RIF1: variants seen among roughly 807,000 people sequenced by gnomAD.
RIF1 encodes telomere-associated protein RIF1.
Under a neutral mutation model 247.1 loss-of-function variants are expected in RIF1, and 45 were observed. That is an observed-to-expected ratio of 0.18 (90% CI 0.14 to 0.23). The LOEUF is 0.23. RIF1 is among the 10% of genes least tolerant of loss of function. The probability of loss-of-function intolerance (pLI) is 1.00; values close to 1 mark genes in which losing one functional copy is unlikely to be tolerated. For missense variants in RIF1, 2,967 were observed against 2,862.5 expected (o/e 1.04, Z -0.83); for synonymous variants, 1,087 against 978.8 (o/e 1.11, Z -2.06).
At chr2:151,530,081 G>T in the RIF1 span, among the ~76,000 whole-genome samples, 1 of 151,872 alleles carries the variant, frequency 6.6e-6, no homozygotes, top group African/African-American at 2.4e-5. Flanking sequence ...TTCCATTAAG[G>T]ACCCCTTAAG....
chr2:151,508,145 A>G (rs754596703), downstream of RIF1: 1 of 1,453,708 alleles, frequency 6.9e-7, no homozygotes, highest in Non-Finnish European at 9.5e-7. Flanking sequence ...GAGGGTAAAC[A>G]CCACAGGGAT....
chr2:151,421,124 G>A lies in RIF1; in HGVS notation c.693+745G>A, dbSNP rs1223138837. ...GTTCTAACATATTTACTGGGCATCT[G>A]ATATGTGCAGTGCATTGTTGCAGGC... On this transcript the variant is annotated intron_variant, in intron 7 of 35. Coordinates refer to ENST00000444746, the MANE Select transcript of RIF1 (RefSeq NM_018151.5). Among the ~76,000 whole-genome samples the A allele has an allele frequency of 3.9e-5, 6 of 152,336 alleles. No individual in the cohort carries two copies. In the South Asian group the frequency reaches 6.2e-4, roughly 16 times the overall value.
At chr2:151,454,763 G>A in intron 21 of RIF1, 132 bp from the exon 22 acceptor site, 1 of 592,826 alleles carries the variant, frequency 1.7e-6, no homozygotes, top group South Asian at 2.6e-5. Context: ...ATTTGTTTGG[G>A]GTGTCAGTCA....
chr2:151,451,852 C>G (rs1303704041), intron 21 of RIF1, 147 bp downstream of exon 21: 1 of 547,714 alleles, frequency 1.8e-6, no homozygotes, highest in Non-Finnish European at 3.3e-6. Flanking sequence ...TAGGAGCTTT[C>G]ATACATGTTC....
chr2:151,430,646 G>C (rs1689936746), intron 9 of RIF1, among the ~76,000 whole-genome samples: 1 of 151,960 alleles, frequency 6.6e-6, no homozygotes, highest in Admixed American at 6.6e-5. Context: ...TTAAAATACT[G>C]GTACATTTTG....
intron 11 of RIF1, 21 bp from the exon 12 acceptor site, chr2:151,436,806 C>CT (rs747564662): frequency 0.13 from 140,363 of 1,044,638 alleles, 2 homozygotes; most frequent in Non-Finnish European, 0.15. Context: ...TGACTTAACT[C>CT]TTTTTTTTTT....
In RIF1 at chr2:151,475,384, G is replaced by C; in HGVS notation, c.*313G>C. On this transcript the variant is annotated 3_prime_UTR_variant, in exon 36 of 36. Coordinates refer to ENST00000444746, the MANE Select transcript of RIF1 (RefSeq NM_018151.5). Reference sequence around the variant, plus strand: ...TTTTATTTCATGCTTTCTTAAACCCGTGCATATTCTGGTGAAACATGTAAA... The same window carrying C: ...TTTTATTTCATGCTTTCTTAAACCCCTGCATATTCTGGTGAAACATGTAAA... 1 of 281,812 alleles carries C rather than the reference G, an allele frequency of 3.5e-6. No individual in the cohort carries two copies. Among genetic ancestry groups the C allele is most frequent in the Non-Finnish European group, 6.7e-6 (1 of 149,072 alleles). The allele number at this position is 281,812 out of a possible 1,614,324, so 17.5% of individuals were successfully genotyped here. A position where few individuals can be genotyped will look rare whatever the true frequency, so the allele number is the denominator to read the frequency against.
chr2:151,492,367 C>G lies in RIF1; in HGVS notation c.*416-2862C>G, dbSNP rs368125758. The G allele has an allele frequency of 6.9e-6, 11 of 1,592,854 alleles. No homozygotes were observed. In the African/African-American group the frequency reaches 8.1e-5, roughly 12 times the overall value. ...CATTCTGACAGGCAGCCAGCCAATC[C>G]TAAAGAATTCCTGACTCACCGTTGA... is the stretch of plus-strand genomic sequence containing the variant. On this transcript the variant is annotated intron_variant and NMD_transcript_variant, in intron 9 of 13. Coordinates refer to the RIF1 transcript ENST00000454583.
chr2:151,410,091 C>G (rs1462220916), intron 1 of RIF1, 58 bp downstream of exon 1: 1 of 697,056 alleles, frequency 1.4e-6, no homozygotes, highest in Non-Finnish European at 2.6e-6. Context: ...GTCTGCCCAC[C>G]CTCCGCCCCC....
At chr2:151,410,128 G>A in intron 1 of RIF1, 95 bp downstream of exon 1, 2 of 684,948 alleles carry the variant, frequency 2.9e-6, no homozygotes, top group African/African-American at 1.8e-5. Flanking sequence ...CGTTCCCCGG[G>A]CTTCTCCCGC....
chr2:151,490,963 C>T (rs2152791114), intron 9 of RIF1, among the ~76,000 whole-genome samples: 1 of 152,278 alleles, frequency 6.6e-6, no homozygotes, highest in African/African-American at 2.4e-5. Flanking sequence ...CAGAATGCAA[C>T]CATGGATTTA....
intron 11 of RIF1, chr2:151,499,562 C>A (rs2062868005): frequency 4.2e-6 from 2 of 480,858 alleles, no homozygotes; most frequent in Admixed American, 7.6e-5. Context: ...TTTTGTATTT[C>A]CTTAGTGAAA....
At position 151,482,041 on chromosome 2, in the gene RIF1, A is replaced by C. The variant is rs988139658; in HGVS notation, c.*6970A>C. Reference sequence around the variant, plus strand: ...GACTGTTGAGGGGGGGCAGAATTCTATGTTTGATTCACAGTAAAACTTTTC... The same window carrying C: ...GACTGTTGAGGGGGGGCAGAATTCTCTGTTTGATTCACAGTAAAACTTTTC... On this transcript the variant is annotated 3_prime_UTR_variant, in exon 36 of 36. Coordinates refer to ENST00000444746, the MANE Select transcript of RIF1 (RefSeq NM_018151.5). The C allele has an allele frequency of 5.9e-5, 9 of 152,150 alleles. No homozygotes were observed. The highest frequency in any genetic ancestry group is 2.2e-4 in the African/African-American group (9 of 41,434). 9.4% of individuals were successfully genotyped at this position (152,150 alleles called of 1,614,324 possible).
In RIF1 at chr2:151,445,463, A is replaced by G. The variant is rs1693088946; in HGVS notation, c.2094+18A>G. 3.4e-6 allele frequency: 4 copies of G among 1,174,386 alleles called. No homozygotes were observed. The highest frequency in any genetic ancestry group is 3.9e-6 in the Non-Finnish European group (3 of 778,744). 72.7% of individuals were successfully genotyped at this position (1,174,386 alleles called of 1,614,324 possible). On this transcript the variant is annotated intron_variant, in intron 19 of 35. Transcript: ENST00000444746. The stretch of plus-strand genomic sequence containing the variant: ...TTCCAGTGGTAAGGCATTGTCAAGT[A>G]TTGATTTCCGAGGGATTTGTATTTT...
chr2:151,465,365 AATG>A lies in RIF1; in HGVS notation c.5850_5852del (p.Asp1951del). The A allele has an allele frequency of 6.2e-7, 1 of 1,613,858 alleles. No homozygotes were observed. The highest frequency in any genetic ancestry group is 8.5e-7 in the Non-Finnish European group (1 of 1,179,942). On this transcript the variant is annotated inframe_deletion, in exon 30 of 36. Transcript: ENST00000444746. Reference sequence around the variant, plus strand: ...AGCAGCAATAGAAGAAAATAAAAGAAATGATGACTCTGAAGCAGACACAGCTAA... The same window carrying A: ...AGCAGCAATAGAAGAAAATAAAAGAAATGACTCTGAAGCAGACACAGCTAA...
Position 151,428,169 on chromosome 2 carries a change from C to T in RIF1, c.787-615C>T, listed in dbSNP as rs370897267. 5.3e-5 allele frequency among the ~76,000 whole-genome samples: 8 copies of T among 152,306 alleles called. No individual in the cohort carries two copies. In the East Asian group the frequency reaches 9.7e-4, roughly 18 times the overall value. Reference sequence around the variant, plus strand: ...ACTTGAACCCAGGAGCTGGAGGCTGCAGTGAGCCAAAATGGCACCACTGCA... The same window carrying T: ...ACTTGAACCCAGGAGCTGGAGGCTGTAGTGAGCCAAAATGGCACCACTGCA... On this transcript the variant is annotated intron_variant, in intron 8 of 35. Transcript: ENST00000444746.
At chr2:151,524,429 A>G in the RIF1 span, 1 of 1,613,850 alleles carries the variant, frequency 6.2e-7, no homozygotes, top group Non-Finnish European at 8.5e-7. Flanking sequence ...AATCAGAGAA[A>G]ACCAAAATGG....
chr2:151,524,379 G>A, the RIF1 span: 2 of 1,613,814 alleles, frequency 1.2e-6, no homozygotes, highest in African/African-American at 1.3e-5. Context: ...CTTAAGCCAT[G>A]GCTGCCTTCC....
At chr2:151,501,201 A>G (rs1366052060) in intron 11 of RIF1, among the ~76,000 whole-genome samples, 1 of 152,240 alleles carries the variant, frequency 6.6e-6, no homozygotes, top group Non-Finnish European at 1.5e-5. Flanking sequence ...AGGGACTATT[A>G]TAGAAAGTAT....
Sources: gnomAD v4.1 joint callset for allele counts (sites outside exome capture counted in the v4.1 genomes callset) on GRCh38, gnomAD v4.1.1 for gene constraint, MANE v1.5 for transcripts, NCBI Gene and HGNC (gene_info 2026-07-23, HGNC 2026-07-21) for gene names.